DOCK10: variants seen among roughly 807,000 people sequenced by gnomAD.
DOCK10 encodes the protein dedicator of cytokinesis 10.
In DOCK10, 145 loss-of-function variants were observed where a neutral mutation model predicts 280.1. The ratio of observed to expected loss-of-function variants is 0.52; its 90% CI spans 0.45 to 0.59. The LOEUF (loss-of-function observed/expected upper bound fraction) is 0.59, where lower values mean the gene tolerates loss of function less well. DOCK10 is among the 20% of genes least tolerant of loss of function. The pLI, the probability that DOCK10 is intolerant of heterozygous loss-of-function variation, is 0.00. For synonymous variants in DOCK10, 915 were observed against 942.2 expected, an observed-to-expected ratio of 0.97 and a Z score of 0.53; for missense variants, 2,368 against 2,651.7, an observed-to-expected ratio of 0.89 and a Z score of 2.35.
chr2:224,787,538 A>T, intron 48 of DOCK10, 141 bp from the exon 49 acceptor site: 2 of 1,055,384 alleles, frequency 1.9e-6, no homozygotes, highest in Non-Finnish European at 2.8e-6. Context: ...TCGTGGTGTC[A>T]TCTTGGATTC....
intron 50 of DOCK10, among the ~76,000 whole-genome samples, chr2:224,779,568 G>C (rs1691152800): frequency 6.6e-6 from 1 of 151,996 alleles, no homozygotes; most frequent in Non-Finnish European, 1.5e-5. Flanking sequence ...GAAGACACTG[G>C]ATGTCAAAAG....
Position 224,775,078 on chromosome 2 carries a change from A to C in DOCK10, c.5840T>G (p.Ile1947Ser), listed in dbSNP as rs1690740286. The C allele has an allele frequency of 3.7e-6, 6 of 1,613,994 alleles. No individual in the cohort carries two copies. Among genetic ancestry groups the C allele is most frequent in the Non-Finnish European group, 5.1e-6 (6 of 1,179,892 alleles). ...PKDLDPKYAY[I>S]QVTYVTPFFE... ...GAACGGCGTCACATAGGTCACCTGG[A>C]TGTAGGCATATTTGGGGTCCAAATC... Residue 1947 changes from isoleucine (I) to serine (S), a missense_variant, in exon 52 of 56, where the codon ATC becomes AGC. Coordinates refer to ENST00000258390, the MANE Select transcript of DOCK10 (RefSeq NM_014689.3).
chr2:224,914,120 T>C (rs1476247875), intron 3 of DOCK10, among the ~76,000 whole-genome samples: 8 of 152,228 alleles, frequency 5.3e-5, no homozygotes, highest in Non-Finnish European at 7.3e-5. Flanking sequence ...GACACAACTT[T>C]ATTTTCTTCC....
intron 25 of DOCK10, among the ~76,000 whole-genome samples, chr2:224,835,826 A>C (rs1374944037): frequency 6.6e-6 from 1 of 152,260 alleles, no homozygotes; most frequent in Non-Finnish European, 1.5e-5. Flanking sequence ...CTAAAATTCC[A>C]CATAGGTGTA....
chr2:225,027,071 C>T (rs1333432674), intron 1 of DOCK10, among the ~76,000 whole-genome samples: 1 of 152,168 alleles, frequency 6.6e-6, no homozygotes, highest in Non-Finnish European at 1.5e-5. Context: ...CCACAGGCTC[C>T]TCAGTACACA....
chr2:224,789,224 G>T (rs1691970162), intron 47 of DOCK10, 54 bp from the exon 48 acceptor site: 1 of 1,167,958 alleles, frequency 8.6e-7, no homozygotes. Flanking sequence ...ATTTTGCTTA[G>T]ATTAGATAAT....
At chr2:224,883,180 C>G (rs1486979792) in intron 7 of DOCK10, among the ~76,000 whole-genome samples, 1 of 152,170 alleles carries the variant, frequency 6.6e-6, no homozygotes, top group African/African-American at 2.4e-5. Flanking sequence ...GTTTCATGTT[C>G]CCAGAGCATT....
intron 3 of DOCK10, among the ~76,000 whole-genome samples, chr2:224,912,278 C>T (rs961619663): frequency 6.6e-6 from 1 of 151,734 alleles, no homozygotes. Flanking sequence ...TGGGATTACA[C>T]GCATGTGCCA....
chr2:224,804,420 T>C (rs919425120), intron 38 of DOCK10, among the ~76,000 whole-genome samples: 3 of 151,700 alleles, frequency 2.0e-5, no homozygotes, highest in Non-Finnish European at 2.9e-5. Flanking sequence ...GAGAAAATGA[T>C]GACAGTACGA....
chr2:224,893,905 A>C (rs1699842666), intron 4 of DOCK10, among the ~76,000 whole-genome samples: 2 of 152,158 alleles, frequency 1.3e-5, no homozygotes, highest in Non-Finnish European at 2.9e-5. Flanking sequence ...TCCATTACTG[A>C]CCTAAATACA....
intron 3 of DOCK10, among the ~76,000 whole-genome samples, chr2:224,903,743 C>T (rs1176332129): frequency 1.3e-5 from 2 of 152,124 alleles, no homozygotes; most frequent in African/African-American, 4.8e-5. Context: ...TGCTCCAAAG[C>T]CTCTAACTTG....
intron 1 of DOCK10, among the ~76,000 whole-genome samples, chr2:224,967,690 C>G (rs534551244): frequency 1.1e-4 from 16 of 151,494 alleles, no homozygotes; most frequent in African/African-American, 3.9e-4. Context: ...AAGACCTTCT[C>G]TTAATGAGTC....
In DOCK10 at chr2:224,852,433, T is replaced by C. The variant is rs1696807258; in HGVS notation, c.2086A>G (p.Ile696Val). The C allele has an allele frequency of 1.9e-6, 3 of 1,564,096 alleles. No homozygotes were observed. The South Asian group carries it at 3.5e-5, about 18-fold the overall frequency. ...TTTTTGAATTCAATGCACACAGTTATATTCCGTGCCTGAAATTACGGAGAG... is the reference window on the plus strand; with the variant it reads ...TTTTTGAATTCAATGCACACAGTTACATTCCGTGCCTGAAATTACGGAGAG... ...SQKCFNKARNITVCIEFKNSD... is the reference protein window; with the variant it reads ...SQKCFNKARNVTVCIEFKNSD... Residue 696 changes from isoleucine (I) to valine (V), a missense_variant, in exon 18 of 56, where the codon ATA becomes GTA. Ile to Val is a conservative substitution (Grantham distance 29, BLOSUM62 3). Transcript: ENST00000258390.
intron 1 of DOCK10, among the ~76,000 whole-genome samples, chr2:224,973,264 T>C (rs1705199138): frequency 6.6e-6 from 1 of 152,144 alleles, no homozygotes; most frequent in South Asian, 2.1e-4. Flanking sequence ...ACAACGTACA[T>C]GTCCTAATCC....
intron 3 of DOCK10, among the ~76,000 whole-genome samples, chr2:224,914,431 T>C (rs1156444849): frequency 6.6e-6 from 1 of 152,218 alleles, no homozygotes; most frequent in Admixed American, 6.5e-5. Context: ...AACTCGGTAT[T>C]AAGGTAATAA....
intron 1 of DOCK10, among the ~76,000 whole-genome samples, chr2:224,936,300 T>C (rs1052557631): frequency 3.3e-5 from 5 of 152,126 alleles, no homozygotes; most frequent in Non-Finnish European, 5.9e-5. Flanking sequence ...AAACACGAAG[T>C]GGCTGGAGTT....
intron 45 of DOCK10, among the ~76,000 whole-genome samples, chr2:224,793,710 C>T (rs1158412929): frequency 6.6e-6 from 1 of 152,092 alleles, no homozygotes; most frequent in Non-Finnish European, 1.5e-5. Flanking sequence ...AAGAATTTTC[C>T]CATAGAATTC....
intron 27 of DOCK10, among the ~76,000 whole-genome samples, chr2:224,827,090 C>T (rs1320172013): frequency 6.6e-6 from 1 of 151,788 alleles, no homozygotes; most frequent in Non-Finnish European, 1.5e-5. Flanking sequence ...TGGTGAAACC[C>T]CGTCTCTACT....
chr2:224,963,002 T>C (rs756088555), intron 1 of DOCK10, among the ~76,000 whole-genome samples: 9 of 152,170 alleles, frequency 5.9e-5, no homozygotes, highest in Non-Finnish European at 1.2e-4. Flanking sequence ...AAACCCTGGT[T>C]ACTAGTTTTT....
Sources: gnomAD v4.1 joint callset for allele counts (sites outside exome capture counted in the v4.1 genomes callset) on GRCh38, gnomAD v4.1.1 for gene constraint, MANE v1.5 for transcripts, NCBI Gene and HGNC (gene_info 2026-07-23, HGNC 2026-07-21) for gene names.